The following CTDSP2 variants were observed in gnomAD, a reference collection of about 807,000 sequenced individuals.
CTDSP2 encodes CTD small phosphatase 2.
CTDSP2 carries 9 observed loss-of-function variants against 31.6 expected under a neutral mutation model. The observed-to-expected ratio is 0.28, with a 90% CI of 0.17 to 0.50. The LOEUF (loss-of-function observed/expected upper bound fraction) is 0.50, where lower values mean the gene tolerates loss of function less well. Ranked by LOEUF, CTDSP2 falls within the 20% of genes least tolerant of loss-of-function variation. The pLI, the probability that CTDSP2 is intolerant of heterozygous loss-of-function variation, is 0.98. For missense variants in CTDSP2, 267 were observed against 348.5 expected, an observed-to-expected ratio of 0.77 and a Z score of 1.86; for synonymous variants, 134 against 134.5, an observed-to-expected ratio of 1.00 and a Z score of 0.03.
At chr12:57,835,923 A>G (rs1031239112) in intron 1 of CTDSP2, among the ~76,000 whole-genome samples, 3 of 152,252 alleles carry the variant, frequency 2.0e-5, no homozygotes, top group Non-Finnish European at 2.9e-5. Context: ...CTGGGATAAC[A>G]GCAAGCCCTC....
intron 1 of CTDSP2, among the ~76,000 whole-genome samples, chr12:57,832,754 T>A (rs1190197884): frequency 8.5e-6 from 1 of 118,024 alleles, no homozygotes; most frequent in Non-Finnish European, 1.6e-5. Context: ...ATCGGGCCAC[T>A]GCACTCTAGC....
intron 1 of CTDSP2, among the ~76,000 whole-genome samples, chr12:57,835,258 G>T (rs1446619858): frequency 6.6e-6 from 1 of 151,634 alleles, no homozygotes; most frequent in Non-Finnish European, 1.5e-5. Flanking sequence ...AACCCAGAAG[G>T]CGGAGGCTGC....
At chr12:57,826,282 A>G in intron 5 of CTDSP2, 64 bp downstream of exon 5, 2 of 1,456,006 alleles carry the variant, frequency 1.4e-6, no homozygotes, top group Non-Finnish European at 1.9e-6. Flanking sequence ...GGACCCCAGT[A>G]CAGGTGAGGC....
At chr12:57,833,043 CAATCAGAGGCTT>C (rs1956226323) in intron 1 of CTDSP2, among the ~76,000 whole-genome samples, 1 of 152,162 alleles carries the variant, frequency 6.6e-6, no homozygotes, top group South Asian at 2.1e-4. Context: ...TGCAGAACCA[CAATCAGAGGCTT>C]AACCCGGGCA....
At chr12:57,832,790 T>TAAAAAAAAAAAAAAAA (rs61390174) in intron 1 of CTDSP2, among the ~76,000 whole-genome samples, 2 of 44,898 alleles carry the variant, frequency 4.5e-5, no homozygotes, top group African/African-American at 8.6e-5. Context: ...AGACTCTGGC[T>TAAAAAAAAAAAAAAAA]AAAAAAAAAA....
intron 1 of CTDSP2, among the ~76,000 whole-genome samples, chr12:57,838,487 C>T (rs1300460895): frequency 6.6e-6 from 1 of 152,218 alleles, no homozygotes; most frequent in Non-Finnish European, 1.5e-5. Flanking sequence ...CAGACAACCT[C>T]TCAGTGAGTG....
intron 2 of CTDSP2, among the ~76,000 whole-genome samples, chr12:57,828,746 G>A (rs1471254657): frequency 6.6e-6 from 1 of 152,240 alleles, no homozygotes; most frequent in African/African-American, 2.4e-5. Context: ...CTGGTCTTGA[G>A]AAAAAGGAAG....
intron 5 of CTDSP2, among the ~76,000 whole-genome samples, chr12:57,825,329 C>T (rs994259473): frequency 6.6e-6 from 1 of 152,196 alleles, no homozygotes; most frequent in African/African-American, 2.4e-5. Flanking sequence ...GCCATTCCTT[C>T]GACCTCCAAC....
chr12:57,823,844 A>G, intron 7 of CTDSP2, 60 bp downstream of exon 7: 1 of 1,608,668 alleles, frequency 6.2e-7, no homozygotes, highest in South Asian at 1.1e-5. Context: ...GGTGGAGCCC[A>G]CAGTTCCAGT....
rs1476617114 is a variant in CTDSP2, at chr12:57,820,287, G to A, written c.*3315C>T. 1 of 152,216 alleles carries A rather than the reference G, an allele frequency of 6.6e-6. No individual in the cohort carries two copies. Among genetic ancestry groups the A allele is most frequent in the Non-Finnish European group, 1.5e-5 (1 of 68,050 alleles). 9.4% of individuals were successfully genotyped at this position (152,216 alleles called of 1,614,324 possible). A position where few individuals can be genotyped will look rare whatever the true frequency, so the allele number is the denominator to read the frequency against. On this transcript the variant is annotated 3_prime_UTR_variant, in exon 8 of 8. Transcript: ENST00000398073. ...CTGGCCTCCTCTTCCCTGGCTGAAT[G>A]TAAATATTTACCAGCATTTAGAAAA...
At position 57,820,046 on chromosome 12, in the gene CTDSP2, T is replaced by C. The variant is rs1956134326; in HGVS notation, c.*3556A>G. Reference sequence around the variant, plus strand: ...ATTTCAAGTTTTTGAATACAACAAATTTATCAAACCATGAATCTGTAAGCA... The same window carrying C: ...ATTTCAAGTTTTTGAATACAACAAACTTATCAAACCATGAATCTGTAAGCA... On this transcript the variant is annotated 3_prime_UTR_variant, in exon 8 of 8. Coordinates refer to ENST00000398073, the MANE Select transcript of CTDSP2 (RefSeq NM_005730.4). 1 of 152,606 alleles carries C rather than the reference T, an allele frequency of 6.6e-6. No homozygotes were observed. Among genetic ancestry groups the C allele is most frequent in the African/African-American group, 2.4e-5 (1 of 41,430 alleles). 9.5% of individuals were successfully genotyped at this position (152,606 alleles called of 1,614,324 possible). A position where few individuals can be genotyped will look rare whatever the true frequency, so the allele number is the denominator to read the frequency against.
At chr12:57,827,626 CT>C (rs1336582126) in intron 2 of CTDSP2, 36 bp from the exon 3 acceptor site, 1 of 1,600,926 alleles carries the variant, frequency 6.2e-7, no homozygotes, top group East Asian at 2.2e-5. Context: ...TGCCATCTCA[CT>C]GCCTTTCCCA....
chr12:57,830,700 C>T (rs1956210443), intron 1 of CTDSP2, among the ~76,000 whole-genome samples: 1 of 152,134 alleles, frequency 6.6e-6, no homozygotes, highest in Admixed American at 6.5e-5. Flanking sequence ...GCTGCTTAGT[C>T]CTACCTTGAT....
intron 1 of CTDSP2, among the ~76,000 whole-genome samples, chr12:57,835,534 C>G (rs953558005): frequency 6.6e-6 from 1 of 152,236 alleles, no homozygotes; most frequent in Non-Finnish European, 1.5e-5. Flanking sequence ...AGCCCAACTA[C>G]GAGCTGCTCT....
At chr12:57,837,449 G>C (rs754227559) in intron 1 of CTDSP2, among the ~76,000 whole-genome samples, 1 of 152,286 alleles carries the variant, frequency 6.6e-6, no homozygotes, top group Middle Eastern at 3.4e-3. Context: ...TAACACTTTG[G>C]GGGGCAAAGG....
At chr12:57,824,364 A>G in intron 5 of CTDSP2, 45 bp from the exon 6 acceptor site, 1 of 1,413,650 alleles carries the variant, frequency 7.1e-7, no homozygotes, top group Non-Finnish European at 1.0e-6. Flanking sequence ...CCTGTGATGA[A>G]GGTTTGCAGT....
rs539236694 is a variant in CTDSP2 at position 57,839,521 on chromosome 12, A to G, written c.64+6851T>C. The stretch of plus-strand genomic sequence containing the variant: ...ATCATGAGGTCAGGAGATCAAGACC[A>G]TCCTGGCTAACACAGTGAAACCGCG... On this transcript the variant is annotated intron_variant, in intron 1 of 7. Coordinates refer to ENST00000398073, the MANE Select transcript of CTDSP2 (RefSeq NM_005730.4). Among the ~76,000 whole-genome samples, 26 of 152,274 alleles carry G rather than the reference A, an allele frequency of 1.7e-4. No individual in the cohort carries two copies. The East Asian group carries it at 4.6e-3, about 27-fold the overall frequency.
intron 1 of CTDSP2, among the ~76,000 whole-genome samples, chr12:57,836,089 G>A (rs1029239869): frequency 1.3e-5 from 2 of 152,118 alleles, no homozygotes; most frequent in Admixed American, 6.5e-5. Flanking sequence ...AACAGACCAG[G>A]AGCCCTCCCA....
chr12:57,824,115 T>C (rs1444894732), intron 6 of CTDSP2, 26 bp from the exon 7 acceptor site: 3 of 1,613,202 alleles, frequency 1.9e-6, no homozygotes, highest in East Asian at 2.2e-5. Flanking sequence ...ATGCCTTAGT[T>C]TGGATACACT....
Sources: gnomAD v4.1 joint callset for allele counts (sites outside exome capture counted in the v4.1 genomes callset) on GRCh38, gnomAD v4.1.1 for gene constraint, MANE v1.5 for transcripts, NCBI Gene and HGNC (gene_info 2026-07-23, HGNC 2026-07-21) for gene names.